Variants in ADAMTSL1 observed in about 807,000 individuals in gnomAD.
ADAMTSL1 encodes ADAMTS-like protein 1.
A neutral mutation model predicts 201.8 loss-of-function variants in ADAMTSL1; 126 were observed. That is an observed-to-expected ratio of 0.62 (90% confidence interval 0.54 to 0.72). The LOEUF (loss-of-function observed/expected upper bound fraction) is 0.72, where lower values mean the gene tolerates loss of function less well. Ranked by LOEUF, ADAMTSL1 falls within the 30% of genes least tolerant of loss-of-function variation. The probability of loss-of-function intolerance (pLI) is 0.00; values close to 1 mark genes in which losing one functional copy is unlikely to be tolerated. For missense variants in ADAMTSL1, 2,679 were observed against 2,277.8 expected, an observed-to-expected ratio of 1.18 and a Z score of -3.59; for synonymous variants, 1,121 against 903.4, an observed-to-expected ratio of 1.24 and a Z score of -4.32.
At chr9:18,598,782 T>G (rs1824436009) in intron 4 of ADAMTSL1, among the ~76,000 whole-genome samples, 1 of 152,094 alleles carries the variant, frequency 6.6e-6, no homozygotes, top group African/African-American at 2.4e-5. Flanking sequence ...TGTGTGAGCA[T>G]GGGTTTATAA....
chr9:17,933,213 GC>G (rs1826869106), intron 1 of ADAMTSL1, among the ~76,000 whole-genome samples: 1 of 152,144 alleles, frequency 6.6e-6, no homozygotes, highest in East Asian at 1.9e-4. Flanking sequence ...GGTTCTGGTA[GC>G]TTTCAGCATT....
At chr9:18,425,944 GT>G (rs1204820714) in intron 2 of ADAMTSL1, among the ~76,000 whole-genome samples, 31 of 151,598 alleles carry the variant, frequency 2.0e-4, no homozygotes, top group African/African-American at 6.3e-4. Flanking sequence ...GTGAAAAGAT[GT>G]TATTATTGAA....
intron 2 of ADAMTSL1, among the ~76,000 whole-genome samples, chr9:18,428,837 T>C (rs1819352901): frequency 6.6e-6 from 1 of 152,188 alleles, no homozygotes; most frequent in Admixed American, 6.6e-5. Context: ...TAAAAGGCCA[T>C]TGGGCCCTCC....
In ADAMTSL1 at chr9:18,491,037, T is replaced by A. The variant is rs761453410; in HGVS notation, c.64-13792T>A. 4.6e-4 allele frequency among the ~76,000 whole-genome samples: 70 copies of A among 152,102 alleles called. 2 individuals are homozygous for A. The highest frequency in any genetic ancestry group is 1.5e-4 in the Non-Finnish European group (10 of 68,016). ...AGCTATGTGATAAAAGGGAGCTTGG[T>A]TTTAATAAAAAGAAGAGAAAGTGCT... On this transcript the variant is annotated intron_variant, in intron 1 of 28. Transcript: ENST00000380548.
rs1220236920 is a variant in ADAMTSL1, at chr9:18,712,931, T to A, written c.1876+5883T>A. On this transcript the variant is annotated intron_variant, in intron 14 of 28. Transcript: ENST00000380548. ...AGAAACCCTACAAGCCAGAAGAGAG[T>A]GGGGGCCAATATTCAACATTCTTAA... Among the ~76,000 whole-genome samples the A allele has an allele frequency of 4.0e-5, 6 of 148,322 alleles. 1 individual carries two copies. Among genetic ancestry groups the A allele is most frequent in the African/African-American group, 1.2e-4 (5 of 40,360 alleles).
intron 16 of ADAMTSL1, among the ~76,000 whole-genome samples, chr9:18,769,703 G>C (rs1231526732): frequency 1.3e-5 from 2 of 152,158 alleles, no homozygotes; most frequent in Non-Finnish European, 2.9e-5. Context: ...ATCTTTTTGG[G>C]CACTTCCCTG....
chr9:18,569,156 A>T (rs1332905991), intron 3 of ADAMTSL1, among the ~76,000 whole-genome samples: 9 of 152,306 alleles, frequency 5.9e-5, no homozygotes, highest in Non-Finnish European at 1.3e-4. Flanking sequence ...ATCTACTGTC[A>T]TCATCAGGGG....
chr9:18,137,351 A>G (rs902165447), intron 1 of ADAMTSL1, among the ~76,000 whole-genome samples: 5 of 152,188 alleles, frequency 3.3e-5, no homozygotes, highest in Non-Finnish European at 5.9e-5. Flanking sequence ...GTGTTTCTTT[A>G]TCGTTGTATT....
In ADAMTSL1 at chr9:18,910,873, G is replaced by A. The variant is rs1335496509; in HGVS notation, c.*2325G>A. On this transcript the variant is annotated 3_prime_UTR_variant, in exon 29 of 29. Coordinates refer to ENST00000380548, the MANE Select transcript of ADAMTSL1 (RefSeq NM_001040272.6). ...ACAATGAAGGCTGCTGGCTAATGTG[G>A]AAGGAGGCACTTTCTCCTCTAAAAC... 1 of 152,240 alleles carries A rather than the reference G, an allele frequency of 6.6e-6. No individual in the cohort carries two copies. Among genetic ancestry groups the A allele is most frequent in the African/African-American group, 2.4e-5 (1 of 41,454 alleles). 9.4% of individuals were successfully genotyped at this position (152,240 alleles called of 1,614,324 possible). A position where few individuals can be genotyped will look rare whatever the true frequency, so the allele number is the denominator to read the frequency against.
At chr9:18,094,333 T>C (rs1824150341) in intron 1 of ADAMTSL1, among the ~76,000 whole-genome samples, 1 of 152,208 alleles carries the variant, frequency 6.6e-6, no homozygotes, top group Non-Finnish European at 1.5e-5. Flanking sequence ...TCTATCTCTA[T>C]TCCCTGATTA....
intron 2 of ADAMTSL1, among the ~76,000 whole-genome samples, chr9:18,292,656 C>T (rs573712657): frequency 7.9e-5 from 12 of 152,274 alleles, no homozygotes; most frequent in African/African-American, 2.4e-4. Flanking sequence ...CATCTTTCCC[C>T]GGTGCTGGAT....
At chr9:18,200,970 G>T (rs1365410022) in intron 2 of ADAMTSL1, among the ~76,000 whole-genome samples, 2 of 151,926 alleles carry the variant, frequency 1.3e-5, no homozygotes. Context: ...TATCTTTAAT[G>T]CTTGAGTTCT....
At chr9:18,470,260 A>G (rs559730805), upstream of ADAMTSL1, among the ~76,000 whole-genome samples, 53 of 152,310 alleles carry the variant, frequency 3.5e-4, no homozygotes, top group Non-Finnish European at 6.9e-4. Context: ...ACATTAGATC[A>G]TGTGTGAAAG....
intron 2 of ADAMTSL1, among the ~76,000 whole-genome samples, chr9:18,456,954 C>G (rs1387456740): frequency 6.6e-6 from 1 of 152,184 alleles, no homozygotes; most frequent in African/African-American, 2.4e-5. Flanking sequence ...AGAGATCTTA[C>G]GTGGCTATCT....
At chr9:18,257,314 C>A (rs964990168) in intron 2 of ADAMTSL1, among the ~76,000 whole-genome samples, 3 of 152,044 alleles carry the variant, frequency 2.0e-5, no homozygotes, top group Admixed American at 6.6e-5. Flanking sequence ...ATGTGAAAGG[C>A]AGAGAATTCA....
At chr9:18,109,360 G>C (rs181866389) in intron 1 of ADAMTSL1, among the ~76,000 whole-genome samples, 2 of 152,096 alleles carry the variant, frequency 1.3e-5, no homozygotes, top group African/African-American at 4.8e-5. Context: ...GAAGAGTTTG[G>C]AGCCTGCACA....
intron 13 of ADAMTSL1, chr9:18,685,068 C>T: frequency 1.0e-6 from 1 of 984,942 alleles, no homozygotes. Context: ...CCTCTCTTCT[C>T]TGCGCAAGGG....
chr9:18,724,878 A>G (rs1223269248), intron 15 of ADAMTSL1, among the ~76,000 whole-genome samples: 3 of 150,068 alleles, frequency 2.0e-5, no homozygotes, highest in South Asian at 4.3e-4. Context: ...TTAAATGCCA[A>G]CTTAAAACAT....
At chr9:18,286,952 C>G (rs1377111293) in intron 2 of ADAMTSL1, among the ~76,000 whole-genome samples, 2 of 152,036 alleles carry the variant, frequency 1.3e-5, no homozygotes, top group Non-Finnish European at 2.9e-5. Flanking sequence ...CTATTAAAAA[C>G]AACTTAAGAG....
Sources: gnomAD v4.1 joint callset for allele counts (sites outside exome capture counted in the v4.1 genomes callset) on GRCh38, gnomAD v4.1.1 for gene constraint, MANE v1.5 for transcripts, NCBI Gene and HGNC (gene_info 2026-07-23, HGNC 2026-07-21) for gene names.